Variants in SATB1 observed in about 807,000 individuals in gnomAD.
SATB1 encodes DNA-binding protein SATB1.
In SATB1, 11 loss-of-function variants were observed where a neutral mutation model predicts 86.9. That is an observed-to-expected ratio of 0.13 (90% CI 0.08 to 0.21). The LOEUF (loss-of-function observed/expected upper bound fraction) is 0.21. Ranked by LOEUF, SATB1 falls within the 10% of genes least tolerant of loss-of-function variation. The pLI is 1.00. For missense variants in SATB1, 551 were observed against 937.6 expected (o/e 0.59, Z 5.39); for synonymous variants, 357 against 357.2 (o/e 1.00, Z 0.01).
intron 9 of SATB1, among the ~76,000 whole-genome samples, chr3:18,363,368 T>C (rs1386253356): frequency 4.6e-5 from 7 of 152,128 alleles, no homozygotes; most frequent in Non-Finnish European, 2.9e-5. Flanking sequence ...GATTTACAAG[T>C]AGGCATTAAA....
At chr3:18,426,387 CCAT>C, upstream of SATB1, among the ~76,000 whole-genome samples, 1 of 152,278 alleles carries the variant, frequency 6.6e-6, no homozygotes, top group East Asian at 1.9e-4. This position sits in a 1 kb window ranked among gnomAD's most constrained non-coding sequence, Gnocchi z 4.2. Context: ...GGAAAAGATG[CCAT>C]CATTCTTCAA....
chr3:18,415,796 A>AT (rs924083103), intron 4 of SATB1, among the ~76,000 whole-genome samples: 1 of 151,480 alleles, frequency 6.6e-6, no homozygotes, highest in East Asian at 1.9e-4. Flanking sequence ...AAACCTACAC[A>AT]TTTTTTGTGT....
chr3:18,360,942 G>T (rs1049327485), intron 9 of SATB1, among the ~76,000 whole-genome samples: 4 of 152,128 alleles, frequency 2.6e-5, no homozygotes, highest in Non-Finnish European at 5.9e-5. Flanking sequence ...AGGTAGGGTT[G>T]TCAAGGAATT....
intron 5 of SATB1, among the ~76,000 whole-genome samples, chr3:18,401,609 T>C (rs932850157): frequency 6.6e-6 from 1 of 152,044 alleles, no homozygotes; most frequent in African/African-American, 2.4e-5. Flanking sequence ...CCGACAAAAC[T>C]CAGTCGGTTG....
Position 18,352,334 on chromosome 3 carries a change from T to C in SATB1, c.1576-139A>G. 1 of 703,726 alleles carries C rather than the reference T, an allele frequency of 1.4e-6. No homozygotes were observed. 43.6% of individuals were successfully genotyped at this position (703,726 alleles called of 1,614,324 possible). A position where few individuals can be genotyped will look rare whatever the true frequency, so the allele number is the denominator to read the frequency against. ...ACACCATTCTGCTTTAAAAATTGTT[T>C]TTAACTTGTTAAGAGAGGTTATCTG... On this transcript the variant is annotated intron_variant, in intron 9 of 10. Coordinates refer to ENST00000338745, the MANE Select transcript of SATB1 (RefSeq NM_002971.6). This position sits in a 1 kb window ranked among gnomAD's most constrained non-coding sequence, Gnocchi z 4.1.
At chr3:18,363,340 GA>G (rs753482172) in intron 9 of SATB1, among the ~76,000 whole-genome samples, 7 of 151,996 alleles carry the variant, frequency 4.6e-5, no homozygotes, top group Non-Finnish European at 1.0e-4. Context: ...GGCTTAATTT[GA>G]AAGACCCAAA....
exon 1 of SATB1, chr3:18,445,544 C>G: frequency 6.1e-6 from 6 of 985,416 alleles, no homozygotes; most frequent in Non-Finnish European, 7.2e-6. Flanking sequence ...AACACGCGCA[C>G]TCCTCCTCTT....
At chr3:18,376,668 A>C (rs185750266) in intron 9 of SATB1, among the ~76,000 whole-genome samples, 108 of 152,256 alleles carry the variant, frequency 7.1e-4, no homozygotes, top group Non-Finnish European at 1.0e-4. Flanking sequence ...ACAGGTTTAA[A>C]GCGGCTCTAA....
chr3:18,441,657 G>A (rs940656635), upstream of SATB1, among the ~76,000 whole-genome samples: 4 of 152,126 alleles, frequency 2.6e-5, no homozygotes, highest in African/African-American at 9.7e-5. Context: ...TAGAGTCCCT[G>A]CTGTATATCC....
At chr3:18,392,699 C>CT (rs1196109017) in intron 7 of SATB1, among the ~76,000 whole-genome samples, 2 of 151,682 alleles carry the variant, frequency 1.3e-5, no homozygotes, top group Non-Finnish European at 2.9e-5. Flanking sequence ...TAGAGACCTA[C>CT]TTTTTTTGGC....
At position 18,370,112 on chromosome 3, in the gene SATB1, G is replaced by A. The variant is rs1002093252; in HGVS notation, c.1575+8058C>T. ...GTGGGATCATTAAAGCAGTTTTCCCGGCGTATTTGGCTGCCTGATCAGATT... is the reference window on the plus strand; with the variant it reads ...GTGGGATCATTAAAGCAGTTTTCCCAGCGTATTTGGCTGCCTGATCAGATT... On this transcript the variant is annotated intron_variant, in intron 9 of 10. Coordinates refer to ENST00000338745, the MANE Select transcript of SATB1 (RefSeq NM_002971.6). Among the ~76,000 whole-genome samples, 6 of 152,084 alleles carry A rather than the reference G, an allele frequency of 3.9e-5. No individual in the cohort carries two copies. The East Asian group carries it at 5.8e-4, about 15-fold the overall frequency.
chr3:18,351,487 G>A, intron 10 of SATB1: 1 of 1,074,716 alleles, frequency 9.3e-7, no homozygotes, highest in Non-Finnish European at 1.3e-6. Context: ...TTACATACAA[G>A]GTGAAGGAAG....
intron 2 of SATB1, among the ~76,000 whole-genome samples, chr3:18,435,589 C>T (rs1405513709): frequency 6.6e-6 from 1 of 152,094 alleles, no homozygotes; most frequent in African/African-American, 2.4e-5. Flanking sequence ...TACCTTATGT[C>T]CCTGAGGACC....
Position 18,351,343 on chromosome 3 carries a change from G to C in SATB1, c.1779+649C>G, listed in dbSNP as rs767352214. ...GAGCAGCACCGAGCCATGGTGCAGG[G>C]GTCGGCAGGCCTGGTAAGAAAACGC... On this transcript the variant is annotated intron_variant, in intron 10 of 10. Coordinates refer to ENST00000338745, the MANE Select transcript of SATB1 (RefSeq NM_002971.6). 9.0e-5 allele frequency: 140 copies of C among 1,553,252 alleles called. 3 individuals are homozygous for C. The South Asian group carries it at 1.6e-3, about 18-fold the overall frequency.
chr3:18,398,496 G>A (rs1023533827), intron 5 of SATB1, among the ~76,000 whole-genome samples: 2 of 152,084 alleles, frequency 1.3e-5, no homozygotes, highest in Non-Finnish European at 2.9e-5. Context: ...CCAGTTTGGG[G>A]ACAAAAGTAT....
intron 9 of SATB1, among the ~76,000 whole-genome samples, chr3:18,356,290 C>T (rs1694632561): frequency 6.6e-6 from 1 of 151,674 alleles, no homozygotes; most frequent in African/African-American, 2.4e-5. Flanking sequence ...TAACCAAGAA[C>T]CATGTGCAAA....
chr3:18,356,566 T>A (rs1694652559), intron 9 of SATB1, among the ~76,000 whole-genome samples: 1 of 151,874 alleles, frequency 6.6e-6, no homozygotes, highest in Non-Finnish European at 1.5e-5. Context: ...AAGGAAAAAT[T>A]AGCAGTTCTA....
Position 18,424,327 on chromosome 3 carries a change from C to CT in SATB1, c.-726_-725insA, listed in dbSNP as rs1400436204. ...GCCTCCCTTCCAATCACCCCCACCC[C>CT]CCTCGCCAACAATCGCGACTAATAT... On this transcript the variant is annotated 5_prime_UTR_variant, in exon 1 of 11. Coordinates refer to ENST00000338745, the MANE Select transcript of SATB1 (RefSeq NM_002971.6). 9 of 148,412 alleles carry CT rather than the reference C, an allele frequency of 6.1e-5. No homozygotes were observed. Among genetic ancestry groups the CT allele is most frequent in the African/African-American group, 2.1e-4 (8 of 38,216 alleles). The allele number at this position is 148,412 out of a possible 1,614,324, so 9.2% of individuals were successfully genotyped here. A position where few individuals can be genotyped will look rare whatever the true frequency, so the allele number is the denominator to read the frequency against.
Position 18,351,625 on chromosome 3 carries a change from G to T in SATB1, c.1779+367C>A. ...GCAACAGCGGTTGCTCTTTTCCTCA[G>T]GGGCACTGTGGTATTAATTAAAAAA... On this transcript the variant is annotated intron_variant, in intron 10 of 10. Transcript: ENST00000338745. 5.6e-6 allele frequency: 3 copies of T among 537,132 alleles called. No homozygotes were observed. In the South Asian group the frequency reaches 7.3e-5, roughly 13 times the overall value. 33.3% of individuals were successfully genotyped at this position (537,132 alleles called of 1,614,324 possible).
Sources: gnomAD v4.1 joint callset for allele counts (sites outside exome capture counted in the v4.1 genomes callset) on GRCh38, gnomAD v4.1.1 for gene constraint, Gnocchi (gnomAD v3.1) non-coding constraint, MANE v1.5 for transcripts, NCBI Gene and HGNC (gene_info 2026-07-23, HGNC 2026-07-21) for gene names.